The following PDE10A variants were observed in gnomAD, a reference collection of about 807,000 sequenced individuals.
The protein encoded by PDE10A is phosphodiesterase 10A, also known as cAMP and cAMP-inhibited cGMP 3',5'-cyclic phosphodiesterase 10A.
In PDE10A, 39 loss-of-function variants were observed where a neutral mutation model predicts 97.7. The ratio of observed to expected loss-of-function variants is 0.40; its 90% CI spans 0.31 to 0.52. PDE10A has a LOEUF of 0.52. PDE10A is among the 20% of genes least tolerant of loss of function. The pLI is 0.56. For missense variants in PDE10A, 731 were observed against 1,047.8 expected (o/e 0.70, Z 4.17); for synonymous variants, 371 against 376.8 (o/e 0.98, Z 0.18).
In PDE10A at chr6:165,692,584, G is replaced by A. The variant is rs1305133360; in HGVS notation, c.-614-149016C>T. Among the ~76,000 whole-genome samples, 3 of 152,322 alleles carry A rather than the reference G, an allele frequency of 2.0e-5. No homozygotes were observed. In the East Asian group the frequency reaches 5.8e-4, roughly 29 times the overall value. On this transcript the variant is annotated intron_variant, in intron 1 of 19. Coordinates refer to the PDE10A transcript ENST00000366882. ...CTCTCTCCTGCTGGTCTTCGTGCCT[G>A]TCCTGTGGCTAAAGCCTACTGGTTA...
intron 6 of PDE10A, among the ~76,000 whole-genome samples, chr6:165,434,062 G>A (rs1370643882): frequency 1.4e-5 from 2 of 142,660 alleles, no homozygotes; most frequent in African/African-American, 5.2e-5. Flanking sequence ...GAAATTGAAT[G>A]AATTAATATC....
At position 165,930,455 on chromosome 6, in the gene PDE10A, G is replaced by A. The variant is rs192992044; in HGVS notation, c.-615+57074C>T. ...TATGGACATGACCAACTGGATCAGG[G>A]AAGAAAACAGAGAAATAAGGAGAGA... On this transcript the variant is annotated intron_variant, in intron 1 of 19. Coordinates refer to the PDE10A transcript ENST00000366882. Among the ~76,000 whole-genome samples, 570 of 152,316 alleles carry A rather than the reference G, an allele frequency of 3.7e-3. 1 individual carries two copies. Among genetic ancestry groups the A allele is most frequent in the Non-Finnish European group, 6.1e-3 (415 of 68,032 alleles).
chr6:165,440,827 T>C (rs1044949009), intron 5 of PDE10A, among the ~76,000 whole-genome samples: 5 of 152,084 alleles, frequency 3.3e-5, no homozygotes, highest in Admixed American at 2.6e-4. Context: ...ACAATAAATT[T>C]ACTTTTGAAT....
chr6:165,551,690 G>T (rs1784024605), intron 1 of PDE10A, among the ~76,000 whole-genome samples: 1 of 152,104 alleles, frequency 6.6e-6, no homozygotes, highest in Admixed American at 6.5e-5. Context: ...TCCCGTCTGA[G>T]GTTATTACAC....
intron 2 of PDE10A, among the ~76,000 whole-genome samples, chr6:165,527,089 C>A (rs1183974386): frequency 6.6e-6 from 1 of 152,190 alleles, no homozygotes; most frequent in African/African-American, 2.4e-5. Context: ...GATCTCCTAA[C>A]CTCAGTAAAA....
chr6:165,865,752 T>TA (rs34523633), intron 1 of PDE10A, among the ~76,000 whole-genome samples: 102,709 of 151,512 alleles, frequency 0.68, 35,114 homozygotes, highest in East Asian at 0.92. Context: ...AAAAAAGGGA[T>TA]AAAAAAAAGA....
chr6:165,763,605 G>A lies in PDE10A; in HGVS notation c.-614-220037C>T, dbSNP rs139032233. Among the ~76,000 whole-genome samples, 42 of 152,294 alleles carry A rather than the reference G, an allele frequency of 2.8e-4. No individual in the cohort carries two copies. In the South Asian group the frequency reaches 7.1e-3, roughly 26 times the overall value. The stretch of plus-strand genomic sequence containing the variant: ...CCCAAAGTGCTAGGATTACAGGTGC[G>A]AGCCACTGTGCCCAGCCTTGAGATT... On this transcript the variant is annotated intron_variant, in intron 1 of 19. Transcript: ENST00000366882.
chr6:165,821,795 G>A (rs1016637795), intron 1 of PDE10A, among the ~76,000 whole-genome samples: 3 of 151,982 alleles, frequency 2.0e-5, no homozygotes, highest in African/African-American at 7.3e-5. Flanking sequence ...TGCCCATCTC[G>A]GCCTCCCAAA....
At chr6:165,837,004 T>A (rs1562760953) in intron 1 of PDE10A, among the ~76,000 whole-genome samples, 1 of 129,782 alleles carries the variant, frequency 7.7e-6, no homozygotes, top group East Asian at 2.3e-4. Context: ...AACAATGAGA[T>A]CACATGGACA....
intron 1 of PDE10A, among the ~76,000 whole-genome samples, chr6:165,676,432 T>C (rs772141201): frequency 1.4e-4 from 22 of 152,198 alleles, no homozygotes; most frequent in Non-Finnish European, 2.8e-4. Context: ...AACCTGGCCA[T>C]GTGGGAAACC....
intron 1 of PDE10A, among the ~76,000 whole-genome samples, chr6:165,823,578 T>C (rs1191118561): frequency 1.4e-5 from 2 of 146,532 alleles, no homozygotes; most frequent in Non-Finnish European, 3.0e-5. Context: ...TATATATAAA[T>C]ATTCAATATA....
At position 165,943,125 on chromosome 6, in the gene PDE10A, G is replaced by A. The variant is rs1301682681; in HGVS notation, c.-615+44404C>T. 2.8e-5 allele frequency among the ~76,000 whole-genome samples: 4 copies of A among 143,470 alleles called. No homozygotes were observed. The East Asian group carries it at 6.1e-4, about 22-fold the overall frequency. The allele number at this position is 143,470 out of a possible 152,430, so 94.1% of individuals were successfully genotyped here. Reference sequence around the variant, plus strand: ...AGAGGAAGGGAAATCGTGCGGTGGGGCAGGGGAGGCAAGAGAGGAGAGAGA... The same window carrying A: ...AGAGGAAGGGAAATCGTGCGGTGGGACAGGGGAGGCAAGAGAGGAGAGAGA... On this transcript the variant is annotated intron_variant, in intron 1 of 19. Coordinates refer to the PDE10A transcript ENST00000366882.
At chr6:165,505,896 A>G (rs1390772919) in intron 2 of PDE10A, among the ~76,000 whole-genome samples, 1 of 152,192 alleles carries the variant, frequency 6.6e-6, no homozygotes. Context: ...AAAAAAAATA[A>G]AATTCTTCAA....
chr6:165,769,280 CACATGTAGCTGGTGGCTGCTGTGGTGG>C (rs1278862368), intron 1 of PDE10A, among the ~76,000 whole-genome samples: 1 of 152,136 alleles, frequency 6.6e-6, no homozygotes, highest in Non-Finnish European at 1.5e-5. Flanking sequence ...GTTAAATAAC[CACATGTAGCTGGTGGCTGCTGTGGTGG>C]ACAGCACAGC....
At chr6:165,762,405 C>T (rs1464357720) in intron 1 of PDE10A, among the ~76,000 whole-genome samples, 3 of 151,808 alleles carry the variant, frequency 2.0e-5, no homozygotes, top group East Asian at 1.9e-4. Context: ...CAGTAACACC[C>T]AGAATGGTCT....
chr6:165,574,963 G>A (rs947540339), intron 1 of PDE10A, among the ~76,000 whole-genome samples: 3 of 152,092 alleles, frequency 2.0e-5, no homozygotes, highest in Non-Finnish European at 4.4e-5. Context: ...TCCCTCCTGT[G>A]ACAAAATTCC....
At chr6:165,774,771 A>C (rs1184719356) in intron 1 of PDE10A, 3 of 150,050 alleles carry the variant, frequency 2.0e-5, no homozygotes, top group African/African-American at 7.3e-5. Context: ...AATGTGACAA[A>C]ATTATAGTTC....
At chr6:165,544,676 AACAG>A (rs1223824977) in intron 1 of PDE10A, among the ~76,000 whole-genome samples, 2 of 152,096 alleles carry the variant, frequency 1.3e-5, no homozygotes, top group Non-Finnish European at 1.5e-5. Flanking sequence ...TGTTTTCCCA[AACAG>A]ACAAAGCAGA....
At chr6:165,983,312 G>C (rs1785077554) in intron 1 of PDE10A, among the ~76,000 whole-genome samples, 1 of 152,156 alleles carries the variant, frequency 6.6e-6, no homozygotes, top group South Asian at 2.1e-4. Flanking sequence ...ATTAACAATA[G>C]AGGGGCCACA....
Sources: gnomAD v4.1 joint callset for allele counts (sites outside exome capture counted in the v4.1 genomes callset) on GRCh38, gnomAD v4.1.1 for gene constraint, MANE v1.5 for transcripts, NCBI Gene and HGNC (gene_info 2026-07-23, HGNC 2026-07-21) for gene names.